CSMD1: variants seen among roughly 807,000 people sequenced by gnomAD.
CSMD1 encodes the protein CUB and sushi domain-containing protein 1.
A neutral mutation model predicts 417.5 loss-of-function variants in CSMD1; 213 were observed. The observed-to-expected ratio is 0.51, with a 90% CI of 0.46 to 0.57. The LOEUF (loss-of-function observed/expected upper bound fraction) is 0.57, where lower values mean the gene tolerates loss of function less well. CSMD1 is among the 20% of genes least tolerant of loss of function. CSMD1 has a pLI of 0.00. For missense variants in CSMD1, 6,923 were observed against 4,529.7 expected (o/e 1.53, Z -15.17); for synonymous variants, 2,862 against 1,736.8 (o/e 1.65, Z -16.11).
intron 40 of CSMD1, among the ~76,000 whole-genome samples, chr8:3,144,589 TAAC>T (rs1486346060): frequency 2.0e-5 from 3 of 152,134 alleles, no homozygotes; most frequent in Non-Finnish European, 4.4e-5. Flanking sequence ...TTGGCCATTC[TAAC>T]ATCGTCTGCT....
rs191791817 is a variant in CSMD1, at chr8:3,709,850, C to T, written c.932-1359G>A. 5.7e-3 allele frequency among the ~76,000 whole-genome samples: 843 copies of T among 147,346 alleles called. 6 individuals carry two copies. The highest frequency in any genetic ancestry group is 9.7e-3 in the South Asian group (44 of 4,552). ...TCCTTATAGTAAATCTGTGTGTGTA[C>T]GTGTGTGTGTGTGTGTGTACACATG... On this transcript the variant is annotated intron_variant, in intron 6 of 69. Coordinates refer to ENST00000635120, the MANE Select transcript of CSMD1 (RefSeq NM_033225.6).
intron 5 of CSMD1, among the ~76,000 whole-genome samples, chr8:3,948,534 T>G (rs1377999664): frequency 6.6e-6 from 1 of 152,134 alleles, no homozygotes; most frequent in Admixed American, 6.5e-5. Context: ...ATTTTATATA[T>G]ATTATATTTG....
intron 54 of CSMD1, among the ~76,000 whole-genome samples, chr8:2,990,825 T>C (rs73502848): frequency 0.013 from 1,980 of 152,354 alleles, 44 homozygotes; most frequent in African/African-American, 0.045. Flanking sequence ...CCCAGAGCTA[T>C]GCAAGGTATT....
At chr8:3,686,482 T>A (rs1172144257) in intron 7 of CSMD1, among the ~76,000 whole-genome samples, 2 of 152,052 alleles carry the variant, frequency 1.3e-5, no homozygotes, top group East Asian at 3.9e-4. Context: ...ATGTTTAAAT[T>A]AAAGACGCTT....
At chr8:3,203,002 A>T (rs1324292337) in intron 31 of CSMD1, among the ~76,000 whole-genome samples, 1 of 151,752 alleles carries the variant, frequency 6.6e-6, no homozygotes, top group African/African-American at 2.4e-5. Flanking sequence ...CCCACCCACC[A>T]CCTCCCCAAG....
intron 5 of CSMD1, among the ~76,000 whole-genome samples, chr8:3,781,961 G>C (rs1315592650): frequency 1.3e-5 from 2 of 152,082 alleles, no homozygotes; most frequent in Non-Finnish European, 2.9e-5. Flanking sequence ...TAAAAAAGGA[G>C]TATGTGGTAA....
At chr8:4,874,586 T>A (rs949032198) in intron 1 of CSMD1, among the ~76,000 whole-genome samples, 1 of 151,818 alleles carries the variant, frequency 6.6e-6, no homozygotes, top group Non-Finnish European at 1.5e-5. Flanking sequence ...AGATGGGGTT[T>A]CACTATGTTG....
At chr8:4,197,749 C>A (rs1329358370) in intron 3 of CSMD1, among the ~76,000 whole-genome samples, 1 of 151,950 alleles carries the variant, frequency 6.6e-6, no homozygotes, top group East Asian at 1.9e-4. Context: ...CATGGTGGTG[C>A]GTTCTTGTAA....
At chr8:4,326,997 C>T (rs73174265) in intron 3 of CSMD1, among the ~76,000 whole-genome samples, 3,755 of 152,114 alleles carry the variant, frequency 0.025, 55 homozygotes, top group Middle Eastern at 0.034. Flanking sequence ...AGAAGGAAAA[C>T]GAAAGAATTG....
intron 40 of CSMD1, among the ~76,000 whole-genome samples, chr8:3,149,541 G>C (rs1819063789): frequency 6.6e-6 from 1 of 152,168 alleles, no homozygotes; most frequent in South Asian, 2.1e-4. Flanking sequence ...GCAGTGGCGT[G>C]ATCGTGGCTC....
chr8:4,757,479 A>G (rs1811740053), intron 1 of CSMD1, among the ~76,000 whole-genome samples: 1 of 152,132 alleles, frequency 6.6e-6, no homozygotes. Flanking sequence ...TCAAACAGAT[A>G]ATGAGTACCG....
intron 10 of CSMD1, among the ~76,000 whole-genome samples, chr8:3,564,867 C>G (rs893700119): frequency 1.3e-5 from 2 of 151,594 alleles, no homozygotes; most frequent in East Asian, 3.9e-4. Flanking sequence ...GCAGCAGTAA[C>G]GGGTAAGTCA....
Position 4,453,069 on chromosome 8 carries a change from G to A in CSMD1, c.303-33004C>T, listed in dbSNP as rs575132207. 1.0e-3 allele frequency among the ~76,000 whole-genome samples: 154 copies of A among 152,208 alleles called. 1 individual carries two copies. The highest frequency in any genetic ancestry group is 3.6e-3 in the African/African-American group (148 of 41,518). On this transcript the variant is annotated intron_variant, in intron 2 of 69. Coordinates refer to ENST00000635120, the MANE Select transcript of CSMD1 (RefSeq NM_033225.6). ...GCATGTTGTGCTAGGACCATGAATG[G>A]TGATAAGCTCTCCTGGGGCTATAGA...
chr8:4,899,166 A>G (rs1438968605), intron 1 of CSMD1, among the ~76,000 whole-genome samples: 2 of 152,220 alleles, frequency 1.3e-5, no homozygotes, highest in Non-Finnish European at 2.9e-5. Context: ...CCTTTCTCTC[A>G]ACTGCATTTA....
rs1343073012 is a variant in CSMD1, at chr8:3,475,367, A to C, written c.1449-6543T>G. 2.0e-5 allele frequency among the ~76,000 whole-genome samples: 3 copies of C among 152,166 alleles called. No individual in the cohort carries two copies. In the South Asian group the frequency reaches 6.2e-4, roughly 31 times the overall value. On this transcript the variant is annotated intron_variant, in intron 11 of 69. Transcript: ENST00000635120. ...TAAACATTTTTAAAATAAATCAATA[A>C]ATAAAAATATAAATTAACCTACACT...
chr8:3,555,045 G>A lies in CSMD1; in HGVS notation c.1344+19900C>T, dbSNP rs10104614. ...GAAGACTGTGCGTGAGGAGTCCTCC[G>A]CCAGGGAAGGCTAAGGAGCCAGGAG... On this transcript the variant is annotated intron_variant, in intron 10 of 69. Coordinates refer to ENST00000635120, the MANE Select transcript of CSMD1 (RefSeq NM_033225.6). 1.8e-3 allele frequency among the ~76,000 whole-genome samples: 277 copies of A among 152,082 alleles called. 9 individuals carry two copies. In the East Asian group the frequency reaches 0.047, roughly 26 times the overall value.
intron 3 of CSMD1, among the ~76,000 whole-genome samples, chr8:4,335,407 T>G (rs761498175): frequency 6.6e-6 from 1 of 152,084 alleles, no homozygotes; most frequent in African/African-American, 2.4e-5. Flanking sequence ...CATTGCACCA[T>G]CTCTTTCTGA....
chr8:4,645,588 G>T (rs1803470324), intron 1 of CSMD1, among the ~76,000 whole-genome samples: 1 of 152,158 alleles, frequency 6.6e-6, no homozygotes, highest in Middle Eastern at 3.4e-3. Context: ...CACAGGTGCG[G>T]GATGACGAGG....
chr8:3,132,014 C>A (rs1443030673), intron 41 of CSMD1, among the ~76,000 whole-genome samples: 2 of 152,126 alleles, frequency 1.3e-5, no homozygotes, highest in Non-Finnish European at 2.9e-5. Context: ...TGGCTCATGT[C>A]CAAACTCATC....
Sources: gnomAD v4.1 joint callset for allele counts (sites outside exome capture counted in the v4.1 genomes callset) on GRCh38, gnomAD v4.1.1 for gene constraint, MANE v1.5 for transcripts, NCBI Gene and HGNC (gene_info 2026-07-23, HGNC 2026-07-21) for gene names.